The following METTL24 variants were observed in gnomAD, a reference collection of about 807,000 sequenced individuals.
The protein encoded by METTL24 is probable methyltransferase-like protein 24.
In METTL24, 29 loss-of-function variants were observed where a neutral mutation model predicts 32.7. The observed-to-expected ratio is 0.89, with a 90% CI of 0.66 to 1.21. The LOEUF (loss-of-function observed/expected upper bound fraction) is 1.21, where lower values mean the gene tolerates loss of function less well. METTL24 is among the 50% of genes most tolerant of loss of function. METTL24 has a pLI of 0.00. For missense variants in METTL24, 439 were observed against 468.1 expected, an observed-to-expected ratio of 0.94 and a Z score of 0.57; for synonymous variants, 163 against 179.5, an observed-to-expected ratio of 0.91 and a Z score of 0.73.
At chr6:110,311,140 A>G (rs1734854383) in intron 3 of METTL24, among the ~76,000 whole-genome samples, 1 of 152,030 alleles carries the variant, frequency 6.6e-6, no homozygotes, top group South Asian at 2.1e-4. Flanking sequence ...AGGACCACCA[A>G]TTCTGGTCTG....
Position 110,260,108 on chromosome 6 carries a change from G to T in METTL24, c.787-13848C>A, listed in dbSNP as rs538557979. Among the ~76,000 whole-genome samples the T allele has an allele frequency of 9.2e-5, 14 of 152,318 alleles. No individual in the cohort carries two copies. In the East Asian group the frequency reaches 2.3e-3, roughly 25 times the overall value. On this transcript the variant is annotated intron_variant, in intron 4 of 4. Transcript: ENST00000338882. Reference sequence around the variant, plus strand: ...TCCTCACCAGCAATGGAACAAAGCTGGACGGAGAATGACTTTGACGAGCTG... The same window carrying T: ...TCCTCACCAGCAATGGAACAAAGCTTGACGGAGAATGACTTTGACGAGCTG...
chr6:110,341,946 T>C lies in METTL24; in HGVS notation c.318+16009A>G, dbSNP rs902279517. On this transcript the variant is annotated intron_variant, in intron 1 of 4. Coordinates refer to ENST00000338882, the MANE Select transcript of METTL24 (RefSeq NM_001123364.3). Reference sequence around the variant, plus strand: ...TAACGCAAAAGCCCTCCAAAATGCATAGGATGCTTCTGGCACACAAGTCAT... The same window carrying C: ...TAACGCAAAAGCCCTCCAAAATGCACAGGATGCTTCTGGCACACAAGTCAT... 1.4e-4 allele frequency among the ~76,000 whole-genome samples: 22 copies of C among 152,122 alleles called. 1 individual carries two copies. The highest frequency in any genetic ancestry group is 5.1e-4 in the African/African-American group (21 of 41,434).
chr6:110,302,058 G>A (rs917152992), intron 3 of METTL24, among the ~76,000 whole-genome samples: 2 of 152,062 alleles, frequency 1.3e-5, no homozygotes, highest in Non-Finnish European at 2.9e-5. Context: ...GGCAGATCAC[G>A]AGGTCAGGAG....
At chr6:110,264,092 A>C (rs1034696269) in intron 4 of METTL24, among the ~76,000 whole-genome samples, 2 of 151,922 alleles carry the variant, frequency 1.3e-5, no homozygotes, top group South Asian at 2.1e-4. Context: ...CACCAAAAGC[A>C]ATGGCAACAA....
At chr6:110,305,876 C>A (rs1021951755) in intron 3 of METTL24, among the ~76,000 whole-genome samples, 1 of 152,186 alleles carries the variant, frequency 6.6e-6, no homozygotes, top group Non-Finnish European at 1.5e-5. Flanking sequence ...CACATGCACA[C>A]ATATGTTTAT....
intron 1 of METTL24, among the ~76,000 whole-genome samples, chr6:110,346,067 C>A (rs980076146): frequency 3.3e-5 from 5 of 152,230 alleles, no homozygotes; most frequent in Non-Finnish European, 7.3e-5. Context: ...TTCTGTTCTG[C>A]AGCCACTGTT....
intron 1 of METTL24, among the ~76,000 whole-genome samples, chr6:110,348,509 A>G (rs1772525875): frequency 1.3e-5 from 2 of 152,242 alleles, no homozygotes; most frequent in African/African-American, 4.8e-5. Context: ...GAGCTCAATG[A>G]GCATGTATTT....
intron 4 of METTL24, among the ~76,000 whole-genome samples, chr6:110,273,012 G>A (rs1179190723): frequency 6.6e-6 from 1 of 151,844 alleles, no homozygotes. Flanking sequence ...CATCTGCTTG[G>A]GGGTTCTTAG....
intron 4 of METTL24, among the ~76,000 whole-genome samples, chr6:110,290,126 G>A (rs769535428): frequency 4.4e-4 from 66 of 150,122 alleles, no homozygotes; most frequent in Non-Finnish European, 8.4e-4. Flanking sequence ...ATGTTGTCCA[G>A]GCTGGTCTCA....
chr6:110,308,177 G>A (rs1169053491), intron 3 of METTL24, among the ~76,000 whole-genome samples: 2 of 152,102 alleles, frequency 1.3e-5, no homozygotes, highest in Non-Finnish European at 2.9e-5. Context: ...TGATTTTCTA[G>A]CAGTAAAAGT....
At chr6:110,275,988 C>A (rs1222057507) in intron 4 of METTL24, among the ~76,000 whole-genome samples, 1 of 152,160 alleles carries the variant, frequency 6.6e-6, no homozygotes, top group Non-Finnish European at 1.5e-5. Context: ...GCCTTCCCAG[C>A]CACAGCATTC....
intron 1 of METTL24, among the ~76,000 whole-genome samples, chr6:110,351,402 T>C (rs1426314361): frequency 6.6e-6 from 1 of 152,024 alleles, no homozygotes; most frequent in Non-Finnish European, 1.5e-5. Context: ...GATAGAGAAA[T>C]AGTTAATGTT....
At chr6:110,309,272 T>C (rs1771676462) in intron 3 of METTL24, among the ~76,000 whole-genome samples, 1 of 152,162 alleles carries the variant, frequency 6.6e-6, no homozygotes, top group South Asian at 2.1e-4. Flanking sequence ...TTCTTCATCC[T>C]AGCAGGAACC....
At position 110,244,080 on chromosome 6, in the gene METTL24, G is replaced by A. The variant is rs1211745201; in HGVS notation, c.*1866C>T. The stretch of plus-strand genomic sequence containing the variant: ...AACTTTTAATGTAGAAAGGATCGGT[G>A]CTATTGAAAAACTGTCTAACTATCC... On this transcript the variant is annotated 3_prime_UTR_variant, in exon 5 of 5. Transcript: ENST00000338882. 6.6e-6 allele frequency among the ~76,000 whole-genome samples: 1 copy of A among 152,192 alleles called. No individual in the cohort carries two copies. Among genetic ancestry groups the A allele is most frequent in the East Asian group, 1.9e-4 (1 of 5,200 alleles).
chr6:110,318,440 G>T (rs1771866046), intron 2 of METTL24, among the ~76,000 whole-genome samples: 1 of 151,976 alleles, frequency 6.6e-6, no homozygotes, highest in Non-Finnish European at 1.5e-5. Flanking sequence ...ACAAGATCAG[G>T]AGTTTGAGAC....
intron 2 of METTL24, among the ~76,000 whole-genome samples, chr6:110,316,729 C>T (rs1203801273): frequency 2.6e-5 from 4 of 152,030 alleles, no homozygotes; most frequent in African/African-American, 4.8e-5. Context: ...AACTTCATCT[C>T]TACAAAAAAT....
chr6:110,319,569 T>C (rs994854051), intron 2 of METTL24, among the ~76,000 whole-genome samples: 2 of 152,162 alleles, frequency 1.3e-5, no homozygotes, highest in Non-Finnish European at 2.9e-5. Flanking sequence ...CCTGGAGGCA[T>C]ATGGTTTGGG....
At chr6:110,311,440 AT>A (rs1425387436) in intron 3 of METTL24, among the ~76,000 whole-genome samples, 2 of 109,878 alleles carry the variant, frequency 1.8e-5, no homozygotes, top group Non-Finnish European at 4.2e-5. Context: ...TACAAAGTTG[AT>A]TTTCTTTTCT....
chr6:110,248,523 A>G (rs1778212576), intron 4 of METTL24, among the ~76,000 whole-genome samples: 1 of 152,180 alleles, frequency 6.6e-6, no homozygotes, highest in African/African-American at 2.4e-5. Context: ...TCCGTTCAAT[A>G]GTTCCAAACT....
Sources: allele counts gnomAD v4.1 joint callset (sites outside exome capture counted in the v4.1 genomes callset), GRCh38; gene constraint gnomAD v4.1.1; transcripts MANE v1.5; gene names NCBI Gene and HGNC (gene_info 2026-07-23, HGNC 2026-07-21).